The following PCDHA1 variants were observed in gnomAD, a reference collection of about 807,000 sequenced individuals.
PCDHA1 encodes the protein protocadherin alpha-1.
PCDHA1 carries 42 observed loss-of-function variants against 61.3 expected under a neutral mutation model. The ratio of observed to expected loss-of-function variants is 0.69; its 90% CI spans 0.54 to 0.89. The LOEUF (loss-of-function observed/expected upper bound fraction) is 0.89. Among genes scored for constraint, PCDHA1 ranks in the 40% least tolerant of loss-of-function variants. The pLI is 0.00. For missense variants in PCDHA1, 1,256 were observed against 1,235.3 expected, an observed-to-expected ratio of 1.02 and a Z score of -0.25; for synonymous variants, 610 against 553.8, an observed-to-expected ratio of 1.10 and a Z score of -1.43.
At chr5:140,881,147 A>G (rs982102013) in intron 1 of PCDHA1, among the ~76,000 whole-genome samples, 3 of 152,238 alleles carry the variant, frequency 2.0e-5, no homozygotes, top group Non-Finnish European at 4.4e-5. Context: ...ATAACAATAG[A>G]TAAAAGTAAG....
chr5:140,916,161 G>C (rs1469456505), intron 1 of PCDHA1, among the ~76,000 whole-genome samples: 2 of 152,084 alleles, frequency 1.3e-5, no homozygotes, highest in African/African-American at 2.4e-5. Flanking sequence ...GGTGAATGCT[G>C]CCAGGCCTGG....
At chr5:140,834,962 A>G (rs1773396463) in intron 1 of PCDHA1, 1 of 1,519,622 alleles carries the variant, frequency 6.6e-7, no homozygotes, top group East Asian at 2.4e-5. Context: ...AACCTCTTGG[A>G]CTTGTATTAC....
chr5:140,813,030 AT>A (rs1396274427), intron 1 of PCDHA1: 16 of 152,108 alleles, frequency 1.1e-4, no homozygotes, highest in Non-Finnish European at 2.9e-5. Context: ...ACCTTCTTGA[AT>A]TTGTTAAGAC....
In PCDHA1 at chr5:140,901,962, G is replaced by A. The variant is rs148280805; in HGVS notation, c.2395-76987G>A. The stretch of plus-strand genomic sequence containing the variant: ...ATATTTAGTTTTATTCGTGGCTATC[G>A]TAAATGGGATTACTTTTTAATTTCA... On this transcript the variant is annotated intron_variant, in intron 1 of 3. Coordinates refer to ENST00000504120, the MANE Select transcript of PCDHA1 (RefSeq NM_018900.4). Among the ~76,000 whole-genome samples, 1,226 of 152,004 alleles carry A rather than the reference G, an allele frequency of 8.1e-3. 6 individuals carry two copies. The highest frequency in any genetic ancestry group is 0.019 in the African/African-American group (785 of 41,468).
chr5:140,876,728 C>T (rs200398819), intron 1 of PCDHA1: 11 of 1,614,128 alleles, frequency 6.8e-6, no homozygotes, highest in African/African-American at 1.3e-5. Context: ...GAGAGCGTGT[C>T]GGCCTATGAG....
intron 1 of PCDHA1, chr5:140,821,694 T>C: frequency 7.1e-7 from 1 of 1,400,444 alleles, no homozygotes; most frequent in Non-Finnish European, 9.7e-7. Flanking sequence ...ATATAAAAAA[T>C]ATATAGTTAA....
At chr5:140,801,071 T>C in intron 1 of PCDHA1, 1 of 1,467,976 alleles carries the variant, frequency 6.8e-7, no homozygotes, top group Non-Finnish European at 9.0e-7. Context: ...CGTATTCAGA[T>C]ACTGCTTTGC....
intron 1 of PCDHA1, among the ~76,000 whole-genome samples, chr5:140,949,788 G>C (rs2094421903): frequency 6.6e-6 from 1 of 151,684 alleles, no homozygotes; most frequent in Non-Finnish European, 1.5e-5. Context: ...GTTTAGATTT[G>C]TGTCCTTCAA....
chr5:140,823,876 A>T lies in PCDHA1; in HGVS notation c.2394+35192A>T, dbSNP rs1311118204. The T allele has an allele frequency of 6.2e-7, 1 of 1,613,886 alleles. No homozygotes were observed. Among genetic ancestry groups the T allele is most frequent in the Non-Finnish European group, 8.5e-7 (1 of 1,179,914 alleles). On this transcript the variant is annotated intron_variant, in intron 1 of 3. Transcript: ENST00000504120. ...GGTGGATGTCAACGTGTACCTGATC[A>T]TCGCCATCTGTGCGGTGTCCAGCCT...
chr5:140,986,777 G>A (rs1203790689), intron 3 of PCDHA1, among the ~76,000 whole-genome samples: 5 of 152,234 alleles, frequency 3.3e-5, no homozygotes, highest in Admixed American at 6.5e-5. Flanking sequence ...ATTAGGTAGC[G>A]GAAGCCACTA....
At chr5:140,966,818 C>T in intron 1 of PCDHA1, 1 of 1,554,294 alleles carries the variant, frequency 6.4e-7, no homozygotes, top group Admixed American at 1.9e-5. Flanking sequence ...ACGGCTCCGG[C>T]GGCCCATGCC....
At chr5:140,877,498 C>G in intron 1 of PCDHA1, 1 of 1,613,844 alleles carries the variant, frequency 6.2e-7, no homozygotes, top group Non-Finnish European at 8.5e-7. Context: ...CGGCCAGGCC[C>G]CAAAGACGTC....
In PCDHA1 at chr5:140,870,897, G is replaced by A. The variant is rs372076650; in HGVS notation, c.2394+82213G>A. 4 of 1,613,942 alleles carry A rather than the reference G, an allele frequency of 2.5e-6. No individual in the cohort carries two copies. In the African/African-American group the frequency reaches 4.0e-5, roughly 16 times the overall value. Reference sequence around the variant, plus strand: ...TGGCGAAGGTGCGCGCAGTGGATGCGGACTCAGGCTACAACGCGTGGCTTT... The same window carrying A: ...TGGCGAAGGTGCGCGCAGTGGATGCAGACTCAGGCTACAACGCGTGGCTTT... On this transcript the variant is annotated intron_variant, in intron 1 of 3. Coordinates refer to ENST00000504120, the MANE Select transcript of PCDHA1 (RefSeq NM_018900.4).
chr5:140,875,208 C>G (rs1297860404), intron 1 of PCDHA1: 2 of 668,428 alleles, frequency 3.0e-6, no homozygotes, highest in East Asian at 6.8e-5. Flanking sequence ...GTGGCTAAAC[C>G]GAAAAGAACC....
chr5:140,960,792 C>T (rs2095571018), intron 1 of PCDHA1, among the ~76,000 whole-genome samples: 1 of 151,986 alleles, frequency 6.6e-6, no homozygotes, highest in South Asian at 2.1e-4. Context: ...AACAAGGTTT[C>T]TATTAAAATA....
chr5:140,805,421 G>A (rs1175718438), intron 1 of PCDHA1: 8 of 1,062,146 alleles, frequency 7.5e-6, no homozygotes, highest in Non-Finnish European at 9.1e-6. Flanking sequence ...TGGGTTTTTT[G>A]TTGTTGTTTT....
chr5:140,838,125 T>C (rs1775553938), intron 1 of PCDHA1, among the ~76,000 whole-genome samples: 1 of 145,318 alleles, frequency 6.9e-6, no homozygotes, highest in Non-Finnish European at 1.5e-5. Flanking sequence ...TGTGTGTGTG[T>C]GTGTGTTTGA....
At chr5:140,964,367 T>C (rs1269937571) in intron 1 of PCDHA1, among the ~76,000 whole-genome samples, 1 of 152,178 alleles carries the variant, frequency 6.6e-6, no homozygotes, top group Non-Finnish European at 1.5e-5. Context: ...ACAAGAGTGC[T>C]GAAAGGAGAG....
intron 1 of PCDHA1, chr5:140,859,459 C>A (rs1379028308): frequency 9.2e-6 from 2 of 216,756 alleles, no homozygotes; most frequent in Non-Finnish European, 1.8e-5. Context: ...AGTGACAAAA[C>A]TACACTATCA....
Sources: gnomAD v4.1 joint callset for allele counts (sites outside exome capture counted in the v4.1 genomes callset) on GRCh38, gnomAD v4.1.1 for gene constraint, MANE v1.5 for transcripts, NCBI Gene and HGNC (gene_info 2026-07-23, HGNC 2026-07-21) for gene names.